Variants in TBC1D32 observed in about 807,000 individuals in gnomAD.
The protein encoded by TBC1D32 is protein broad-minded.
TBC1D32 carries 151 observed loss-of-function variants against 170.3 expected under a neutral mutation model. That is an observed-to-expected ratio of 0.89 (90% CI 0.78 to 1.01). TBC1D32 has a LOEUF of 1.01. Ranked by LOEUF, TBC1D32 falls within the 50% of genes least tolerant of loss-of-function variation. TBC1D32 has a pLI of 0.00. For synonymous variants in TBC1D32, 498 were observed against 488.0 expected (o/e 1.02, Z -0.27); for missense variants, 1,464 against 1,457.1 (o/e 1.00, Z -0.08).
chr6:121,100,334 G>C (rs188431191), intron 30 of TBC1D32, among the ~76,000 whole-genome samples: 1 of 151,876 alleles, frequency 6.6e-6, no homozygotes, highest in African/African-American at 2.4e-5. Context: ...TTAACTTTCT[G>C]TCTCATTGAT....
chr6:121,280,405 G>A (rs568960274), intron 14 of TBC1D32, among the ~76,000 whole-genome samples: 1 of 151,886 alleles, frequency 6.6e-6, no homozygotes, highest in South Asian at 2.1e-4. Context: ...TTCAATGGTT[G>A]ATGCTGGATG....
At chr6:121,117,363 G>A (rs931313610) in intron 26 of TBC1D32, among the ~76,000 whole-genome samples, 1 of 152,130 alleles carries the variant, frequency 6.6e-6, no homozygotes, top group African/African-American at 2.4e-5. Flanking sequence ...CTTCCCCAAA[G>A]CAGCAATGAA....
chr6:121,300,659 C>A (rs532740202), intron 9 of TBC1D32, among the ~76,000 whole-genome samples: 8 of 152,200 alleles, frequency 5.3e-5, no homozygotes, highest in African/African-American at 1.7e-4. Context: ...ACACCAAAAG[C>A]AATGACAACA....
At chr6:121,194,047 T>C (rs1790401918) in intron 22 of TBC1D32, among the ~76,000 whole-genome samples, 1 of 152,020 alleles carries the variant, frequency 6.6e-6, no homozygotes. Flanking sequence ...TCAGACATTT[T>C]GGGAACTACT....
chr6:121,239,050 T>C lies in TBC1D32; in HGVS notation c.2364+20A>G. 7.4e-7 allele frequency: 1 copy of C among 1,352,696 alleles called. No homozygotes were observed. Among genetic ancestry groups the C allele is most frequent in the Non-Finnish European group, 1.0e-6 (1 of 953,228 alleles). The allele number at this position is 1,352,696 out of a possible 1,614,324, so 83.8% of individuals were successfully genotyped here. A position where few individuals can be genotyped will look rare whatever the true frequency, so the allele number is the denominator to read the frequency against. The stretch of plus-strand genomic sequence containing the variant: ...AAATACTTTTCAAATCTGTGTATTA[T>C]TAGTCAAATAACTTCTTACCTTTTG... On this transcript the variant is annotated intron_variant, in intron 20 of 31. Coordinates refer to ENST00000398212, the MANE Select transcript of TBC1D32 (RefSeq NM_152730.6).
At chr6:121,217,010 G>T (rs913175028) in intron 21 of TBC1D32, among the ~76,000 whole-genome samples, 1 of 152,194 alleles carries the variant, frequency 6.6e-6, no homozygotes, top group Non-Finnish European at 1.5e-5. Context: ...AAAGATTAGT[G>T]CCACCATCAA....
At chr6:121,103,091 C>T (rs1778304269) in intron 30 of TBC1D32, among the ~76,000 whole-genome samples, 1 of 152,032 alleles carries the variant, frequency 6.6e-6, no homozygotes, top group African/African-American at 2.4e-5. Flanking sequence ...ACAACAGGTG[C>T]TGGAGAGGAT....
chr6:121,146,179 A>T (rs1783421168), intron 24 of TBC1D32, among the ~76,000 whole-genome samples: 1 of 152,206 alleles, frequency 6.6e-6, no homozygotes, highest in Admixed American at 6.5e-5. Context: ...ATAGAAGGAG[A>T]TTTATTATAA....
chr6:121,098,267 CTTGA>C (rs1777642178), intron 30 of TBC1D32, among the ~76,000 whole-genome samples: 1 of 151,522 alleles, frequency 6.6e-6, no homozygotes, highest in Non-Finnish European at 1.5e-5. Flanking sequence ...CCTACAGATG[CTTGA>C]TTAAGCCAAA....
intron 1 of TBC1D32, among the ~76,000 whole-genome samples, chr6:121,332,635 G>T (rs1257141874): frequency 6.6e-6 from 1 of 152,066 alleles, no homozygotes; most frequent in Non-Finnish European, 1.5e-5. Flanking sequence ...ATAAAAACCA[G>T]AAATGAAATC....
intron 29 of TBC1D32, among the ~76,000 whole-genome samples, chr6:121,109,570 A>G (rs1187134894): frequency 6.6e-6 from 1 of 152,124 alleles, no homozygotes; most frequent in Non-Finnish European, 1.5e-5. Context: ...AATGGCTTCA[A>G]TGTTAACAAC....
At chr6:121,324,528 A>T (rs968277470) in intron 1 of TBC1D32, among the ~76,000 whole-genome samples, 10 of 152,160 alleles carry the variant, frequency 6.6e-5, no homozygotes, top group African/African-American at 2.2e-4. Flanking sequence ...TAATTTTCAG[A>T]AATACAGTCC....
chr6:121,235,291 G>A (rs1046042626), intron 20 of TBC1D32, among the ~76,000 whole-genome samples: 5 of 152,250 alleles, frequency 3.3e-5, no homozygotes, highest in Admixed American at 2.0e-4. Flanking sequence ...CTCAGGCAGT[G>A]GGCAGGGCCA....
Position 121,303,660 on chromosome 6 carries a change from A to G in TBC1D32, c.1037T>C (p.Phe346Ser), listed in dbSNP as rs1354168022. 3.1e-6 allele frequency: 5 copies of G among 1,597,646 alleles called. No individual in the cohort carries two copies. In the South Asian group the frequency reaches 4.5e-5, roughly 14 times the overall value. The change falls in exon 9 of 32, where the codon TTT becomes TCT. Residue 346 changes from phenylalanine (F) to serine (S), a missense_variant. Physicochemically the swap from Phe to Ser is radical, Grantham distance 155 (BLOSUM62 -2). Transcript: ENST00000398212. ...SQKILDPIYF[F>S]ALVDTKAVWF... ...CACAGCCTTGGTATCAACTAATGCA[A>G]AAAAGTAGATCGGATCCAAAATCTT...
intron 5 of TBC1D32, among the ~76,000 whole-genome samples, chr6:121,307,022 C>A (rs566659555): frequency 4.0e-5 from 6 of 151,710 alleles, no homozygotes; most frequent in Non-Finnish European, 7.4e-5. Flanking sequence ...ACCATGAATC[C>A]TTTTAAAATA....
rs146058527 is a variant in TBC1D32, at chr6:121,286,276, T to C, written c.1373-2366A>G. ...ATAAATGGCTAACTAGAACAACCAA[T>C]GCAGAGAAGTCCTTAAAGGACCTGA... On this transcript the variant is annotated intron_variant, in intron 12 of 31. Coordinates refer to ENST00000398212, the MANE Select transcript of TBC1D32 (RefSeq NM_152730.6). 3.0e-4 allele frequency among the ~76,000 whole-genome samples: 46 copies of C among 152,184 alleles called. No individual in the cohort carries two copies. The East Asian group carries it at 7.2e-3, about 24-fold the overall frequency.
At chr6:121,237,235 T>A (rs767892485) in intron 20 of TBC1D32, among the ~76,000 whole-genome samples, 1 of 152,074 alleles carries the variant, frequency 6.6e-6, no homozygotes, top group South Asian at 2.1e-4. Flanking sequence ...GTTTCCACTA[T>A]TGTAATGAGA....
intron 20 of TBC1D32, chr6:121,224,279 T>C (rs1362583757): frequency 6.6e-6 from 1 of 152,200 alleles, no homozygotes; most frequent in African/African-American, 2.4e-5. Flanking sequence ...CTGAAGACTT[T>C]CCAATTAACT....
At chr6:121,212,500 G>T (rs1428806813) in intron 21 of TBC1D32, among the ~76,000 whole-genome samples, 4 of 145,816 alleles carry the variant, frequency 2.7e-5, no homozygotes, top group African/African-American at 1.0e-4. Context: ...TGTTTCCCAG[G>T]CTGGAGTGTA....
Sources: gnomAD v4.1 joint callset for allele counts (sites outside exome capture counted in the v4.1 genomes callset) on GRCh38, gnomAD v4.1.1 for gene constraint, MANE v1.5 for transcripts, NCBI Gene and HGNC (gene_info 2026-07-23, HGNC 2026-07-21) for gene names.